The following LMOD1 variants were observed in gnomAD, a reference collection of about 807,000 sequenced individuals.
LMOD1 encodes the protein leiomodin-1.
Under a neutral mutation model 36.5 loss-of-function variants are expected in LMOD1, and 8 were observed. The ratio of observed to expected loss-of-function variants is 0.22; its 90% CI spans 0.13 to 0.40. LMOD1 has a LOEUF of 0.40. Ranked by LOEUF, LMOD1 falls within the 10% of genes least tolerant of loss-of-function variation. The pLI is 1.00. For synonymous variants in LMOD1, 284 were observed against 288.7 expected (o/e 0.98, Z 0.17); for missense variants, 630 against 751.1 (o/e 0.84, Z 1.88).
chr1:201,899,117 G>A lies in LMOD1; in HGVS notation c.1776+120C>T. 1 of 901,058 alleles carries A rather than the reference G, an allele frequency of 1.1e-6. No homozygotes were observed. Among genetic ancestry groups the A allele is most frequent in the East Asian group, 2.7e-5 (1 of 37,496 alleles). 55.8% of individuals were successfully genotyped at this position (901,058 alleles called of 1,614,324 possible). ...ACCTGAAGTCCCCTATGGGCCCTGG[G>A]AGTCTATATCATCTGCAGCCGACAT... On this transcript the variant is annotated intron_variant, in intron 2 of 2. Coordinates refer to ENST00000367288, the MANE Select transcript of LMOD1 (RefSeq NM_012134.3). The surrounding 1 kb of genome is among the most constrained non-coding windows in gnomAD (Gnocchi z 6.3).
chr1:201,919,830 A>G (rs1001356667), intron 1 of LMOD1, among the ~76,000 whole-genome samples: 3 of 152,074 alleles, frequency 2.0e-5, no homozygotes, highest in Non-Finnish European at 2.9e-5. Flanking sequence ...TCCAGGGCAG[A>G]ACTCTCTGGT....
At chr1:201,929,002 G>A (rs1217400933) in intron 1 of LMOD1, among the ~76,000 whole-genome samples, 1 of 152,308 alleles carries the variant, frequency 6.6e-6, no homozygotes. Context: ...GCAGGCATGA[G>A]CCACCACACC....
chr1:201,912,976 G>C (rs1681539928), intron 1 of LMOD1, among the ~76,000 whole-genome samples: 1 of 152,182 alleles, frequency 6.6e-6, no homozygotes, highest in Non-Finnish European at 1.5e-5. Context: ...GATGTCCAGG[G>C]CTGTGAGGAA....
Position 201,898,374 on chromosome 1 carries a change from A to G in LMOD1, c.1801T>C (p.Ter601GlnextTer12). 6.2e-7 allele frequency: 1 copy of G among 1,612,872 alleles called. No homozygotes were observed. The change falls in exon 3 of 3, where the codon TAG becomes CAG. Residue 601 changes from the stop codon to glutamine, a stop_lost. Coordinates refer to ENST00000367288, the MANE Select transcript of LMOD1 (RefSeq NM_012134.3). The part of the protein sequence containing the change: ...KKVEVPKLLQ[*>Q] ...AGATGGTGCCTGGCAGCCTGGTCCT[A>G]CTGAAGCAGTTTGGGCACTTCCACC... is the stretch of plus-strand genomic sequence containing the variant.
Position 201,900,215 on chromosome 1 carries a change from C to T in LMOD1, c.798G>A (p.Lys266=), listed in dbSNP as rs1461956345. Residue 266 remains lysine (K), a synonymous_variant, in exon 2 of 3, where the codon AAG becomes AAA. Transcript: ENST00000367288. ...KRGTGNTDTK[K]DDEKVKKNEP... Reference sequence around the variant, plus strand: ...CATTCTTCTTGACTTTTTCATCGTCCTTTTTGGTGTCTGTGTTCCCAGTTC... The same window carrying T: ...CATTCTTCTTGACTTTTTCATCGTCTTTTTTGGTGTCTGTGTTCCCAGTTC... The T allele has an allele frequency of 6.2e-7, 1 of 1,613,772 alleles. No homozygotes were observed. Among genetic ancestry groups the T allele is most frequent in the Non-Finnish European group, 8.5e-7 (1 of 1,179,876 alleles).
intron 1 of LMOD1, among the ~76,000 whole-genome samples, chr1:201,905,633 G>A (rs933150846): frequency 9.2e-5 from 14 of 152,200 alleles, no homozygotes; most frequent in Admixed American, 3.3e-4. Context: ...AGCCCACACC[G>A]TCCCCCACTG....
At chr1:201,940,799 A>G (rs1157431581) in intron 1 of LMOD1, among the ~76,000 whole-genome samples, 1 of 143,360 alleles carries the variant, frequency 7.0e-6, no homozygotes, top group Non-Finnish European at 1.5e-5. Context: ...CCCAGGCTGG[A>G]GTGCAATGGC....
chr1:201,908,810 A>G (rs1160115488), intron 1 of LMOD1, among the ~76,000 whole-genome samples: 1 of 152,196 alleles, frequency 6.6e-6, no homozygotes, highest in African/African-American at 2.4e-5. Context: ...CCGAAATGGA[A>G]GGGAGTCAGG....
Position 201,899,042 on chromosome 1 carries a change from A to G in LMOD1, c.1776+195T>C. On this transcript the variant is annotated intron_variant, in intron 2 of 2. Transcript: ENST00000367288. This position sits in a 1 kb window ranked among gnomAD's most constrained non-coding sequence, Gnocchi z 6.3. ...AAAGGAAGGGTAGAGTCTCAGCTCT[A>G]GGGGATATACAGGTGTGACCTGCCT... The G allele has an allele frequency of 3.8e-6, 2 of 529,320 alleles. No individual in the cohort carries two copies. The highest frequency in any genetic ancestry group is 6.6e-6 in the Non-Finnish European group (2 of 301,280). 32.8% of individuals were successfully genotyped at this position (529,320 alleles called of 1,614,324 possible).
At chr1:201,912,311 T>C (rs1030555708) in intron 1 of LMOD1, among the ~76,000 whole-genome samples, 1 of 152,170 alleles carries the variant, frequency 6.6e-6, no homozygotes, top group African/African-American at 2.4e-5. Flanking sequence ...CTACTCATGG[T>C]CCAGGATCAA....
chr1:201,898,249 C>T lies in LMOD1; in HGVS notation c.*123G>A, dbSNP rs1681225346. On this transcript the variant is annotated 3_prime_UTR_variant, in exon 3 of 3. Coordinates refer to ENST00000367288, the MANE Select transcript of LMOD1 (RefSeq NM_012134.3). Reference sequence around the variant, plus strand: ...AGCGTGACCCAGGCCTGGACTCTCCCATGGCAGAATAGGGACATCCACAGC... The same window carrying T: ...AGCGTGACCCAGGCCTGGACTCTCCTATGGCAGAATAGGGACATCCACAGC... 2 of 974,428 alleles carry T rather than the reference C, an allele frequency of 2.1e-6. No individual in the cohort carries two copies. Among genetic ancestry groups the T allele is most frequent in the African/African-American group, 1.6e-5 (1 of 61,972 alleles). The allele number at this position is 974,428 out of a possible 1,614,324, so 60.4% of individuals were successfully genotyped here.
In LMOD1 at chr1:201,908,421, A is replaced by T. The variant is rs545887662; in HGVS notation, c.262-7670T>A. ...CAAGTGAGGATGGAGTGCAAGTATA[A>T]CCTCACCCCCTTAGGTTAACATCTC... On this transcript the variant is annotated intron_variant, in intron 1 of 2. Transcript: ENST00000367288. 3.9e-5 allele frequency among the ~76,000 whole-genome samples: 6 copies of T among 152,226 alleles called. No individual in the cohort carries two copies. The East Asian group carries it at 1.2e-3, about 29-fold the overall frequency.
intron 1 of LMOD1, among the ~76,000 whole-genome samples, chr1:201,919,148 A>C (rs555010768): frequency 4.0e-5 from 6 of 149,118 alleles, no homozygotes; most frequent in African/African-American, 1.5e-4. Flanking sequence ...CCTTGGCCTC[A>C]CTTTTGCTGG....
At chr1:201,921,700 C>A (rs1044832638) in intron 1 of LMOD1, among the ~76,000 whole-genome samples, 1 of 151,862 alleles carries the variant, frequency 6.6e-6, no homozygotes. Flanking sequence ...GTGGCTCATG[C>A]CTATAATCCC....
rs201119174 is a variant in LMOD1 at position 201,900,285 on chromosome 1, C to T, written c.728G>A (p.Gly243Asp). 9.3e-5 allele frequency: 150 copies of T among 1,610,856 alleles called. No homozygotes were observed. The African/African-American group carries it at 1.9e-3, about 20-fold the overall frequency. The change falls in exon 2 of 3, where the codon GGT becomes GAT. Residue 243 changes from glycine (G) to aspartate (D), a missense_variant. Around this residue, in one of 3 missense-constraint regions of LMOD1, gnomAD observed 405 missense variants for 400.6 expected, o/e 1.01. Coordinates refer to ENST00000367288, the MANE Select transcript of LMOD1 (RefSeq NM_012134.3). ...RKEGEKMKRA[G>D]GNTDMKKEDE... Reference sequence around the variant, plus strand: ...CTCCTTTTTCATGTCTGTGTTCCCACCTGCTCTTTTCATCTTCTCACCCTC... The same window carrying T: ...CTCCTTTTTCATGTCTGTGTTCCCATCTGCTCTTTTCATCTTCTCACCCTC...
Position 201,899,211 on chromosome 1 carries a change from G to A in LMOD1, c.1776+26C>T. On this transcript the variant is annotated intron_variant, in intron 2 of 2. Transcript: ENST00000367288. The surrounding 1 kb of genome is among the most constrained non-coding windows in gnomAD (Gnocchi z 6.3). ...TCCAGGCCCTACCCAGCCCCGCCCT[G>A]TTGGCTCATGCCCACAACTACTTAA... is the stretch of plus-strand genomic sequence containing the variant. 1.3e-6 allele frequency: 2 copies of A among 1,555,072 alleles called. No individual in the cohort carries two copies. Among genetic ancestry groups the A allele is most frequent in the African/African-American group, 1.4e-5 (1 of 73,904 alleles).
At chr1:201,945,238 C>A (rs1347472495) in intron 1 of LMOD1, among the ~76,000 whole-genome samples, 1 of 152,130 alleles carries the variant, frequency 6.6e-6, no homozygotes, top group Non-Finnish European at 1.5e-5. Context: ...CATGCCAACT[C>A]AGGAAAACAG....
chr1:201,943,252 A>G (rs1682150291), intron 1 of LMOD1, among the ~76,000 whole-genome samples: 1 of 152,242 alleles, frequency 6.6e-6, no homozygotes, highest in Non-Finnish European at 1.5e-5. Context: ...ACTGATCTCA[A>G]CTAATTAGCT....
intron 1 of LMOD1, among the ~76,000 whole-genome samples, chr1:201,923,827 T>C (rs1267911549): frequency 6.7e-6 from 1 of 150,296 alleles, no homozygotes; most frequent in Non-Finnish European, 1.5e-5. Context: ...ATCGTGCCAC[T>C]GTATTCTAGC....
Sources: allele counts gnomAD v4.1 joint callset (sites outside exome capture counted in the v4.1 genomes callset), GRCh38; gene constraint gnomAD v4.1.1; regional missense constraint gnomAD v4.1.1; non-coding constraint Gnocchi (gnomAD v3.1); transcripts MANE v1.5; gene names NCBI Gene and HGNC (gene_info 2026-07-23, HGNC 2026-07-21).